The following BBS9 variants were observed in gnomAD, a reference collection of about 807,000 sequenced individuals.
BBS9 encodes the protein protein PTHB1.
BBS9 carries 89 observed loss-of-function variants against 117.7 expected under a neutral mutation model. The ratio of observed to expected loss-of-function variants is 0.76; its 90% confidence interval spans 0.64 to 0.90. The LOEUF is 0.90. Among genes scored for constraint, BBS9 ranks in the 40% least tolerant of loss-of-function variants. The pLI is 0.00. For synonymous variants in BBS9, 379 were observed against 370.9 expected (o/e 1.02, Z -0.25); for missense variants, 982 against 1,042.2 (o/e 0.94, Z 0.80).
At chr7:33,282,866 A>T (rs1802170620) in intron 9 of BBS9, among the ~76,000 whole-genome samples, 1 of 152,176 alleles carries the variant, frequency 6.6e-6, no homozygotes, top group African/African-American at 2.4e-5. Flanking sequence ...CTGCATTTCA[A>T]ATTTTGGTAG....
intron 5 of BBS9, among the ~76,000 whole-genome samples, chr7:33,211,995 G>A (rs150524785): frequency 2.0e-5 from 3 of 152,190 alleles, no homozygotes; most frequent in South Asian, 2.1e-4. Flanking sequence ...CTGCTTTTAC[G>A]ATTTTTTCTG....
At chr7:33,595,960 G>A (rs1862680971) in intron 21 of BBS9, among the ~76,000 whole-genome samples, 1 of 151,964 alleles carries the variant, frequency 6.6e-6, no homozygotes, top group Non-Finnish European at 1.5e-5. Flanking sequence ...TTATAAGTGG[G>A]AGTGGAACAG....
At position 33,383,635 on chromosome 7, in the gene BBS9, T is replaced by C. The variant is rs1418385635; in HGVS notation, c.1790-31T>C. ...GCTTTATCTAGTAATTCTGTGTTAC[T>C]AAGCATTTTTCCTTAATTTTTTTCT... On this transcript the variant is annotated intron_variant, in intron 17 of 22. Transcript: ENST00000242067. 3 of 1,570,576 alleles carry C rather than the reference T, an allele frequency of 1.9e-6. No individual in the cohort carries two copies. In the East Asian group the frequency reaches 6.8e-5, roughly 35 times the overall value.
At chr7:33,250,387 A>C (rs992875318) in intron 5 of BBS9, among the ~76,000 whole-genome samples, 1 of 152,166 alleles carries the variant, frequency 6.6e-6, no homozygotes, top group Non-Finnish European at 1.5e-5. Flanking sequence ...TATAATACTG[A>C]GCATGTGGTA....
chr7:33,218,135 G>A (rs1789431636), intron 5 of BBS9, among the ~76,000 whole-genome samples: 1 of 152,088 alleles, frequency 6.6e-6, no homozygotes, highest in Admixed American at 6.6e-5. Flanking sequence ...GATTAATAAA[G>A]AAAAGATTTG....
At chr7:33,238,368 G>C (rs1793889968) in intron 5 of BBS9, among the ~76,000 whole-genome samples, 1 of 151,934 alleles carries the variant, frequency 6.6e-6, no homozygotes, top group Admixed American at 6.6e-5. Flanking sequence ...TTAGCTCACT[G>C]CAACCTCCAC....
At position 33,533,934 on chromosome 7, in the gene BBS9, A is replaced by G. The variant is rs17727583; in HGVS notation, c.2299-20A>G. On this transcript the variant is annotated intron_variant, in intron 20 of 22. Transcript: ENST00000242067. Reference sequence around the variant, plus strand: ...TTATTGTCATCTTTGTATTAATTCAAAATTGGCTTTTGTATCCAGGGCTGG... The same window carrying G: ...TTATTGTCATCTTTGTATTAATTCAGAATTGGCTTTTGTATCCAGGGCTGG... The G allele has an allele frequency of 2.5e-6, 4 of 1,613,486 alleles. No individual in the cohort carries two copies. The highest frequency in any genetic ancestry group is 3.4e-6 in the Non-Finnish European group (4 of 1,179,476).
At chr7:33,523,018 T>A (rs1189379926) in intron 20 of BBS9, among the ~76,000 whole-genome samples, 1 of 149,886 alleles carries the variant, frequency 6.7e-6, no homozygotes, top group Non-Finnish European at 1.5e-5. Flanking sequence ...CTTTCCCCAT[T>A]GCTTGTTTTT....
intron 19 of BBS9, among the ~76,000 whole-genome samples, chr7:33,501,413 C>A (rs1305741004): frequency 6.6e-6 from 1 of 152,174 alleles, no homozygotes; most frequent in African/African-American, 2.4e-5. Context: ...TATCCCATTT[C>A]TTTCCAGTTT....
At chr7:33,480,780 C>T (rs192530738) in intron 19 of BBS9, among the ~76,000 whole-genome samples, 377 of 13,950 alleles carry the variant, frequency 0.027, 1 homozygote, top group African/African-American at 0.099. Flanking sequence ...CAAATCTCAT[C>T]TTGAATTGTA....
At chr7:33,535,014 G>A (rs1024254996) in intron 21 of BBS9, among the ~76,000 whole-genome samples, 2 of 151,978 alleles carry the variant, frequency 1.3e-5, no homozygotes, top group African/African-American at 4.8e-5. Context: ...TCCCTCTCTG[G>A]TAGTCTTGCT....
chr7:33,191,020 C>T (rs1261095783), intron 5 of BBS9, among the ~76,000 whole-genome samples: 1 of 152,126 alleles, frequency 6.6e-6, no homozygotes, highest in Non-Finnish European at 1.5e-5. Context: ...AAGAGGAGGT[C>T]CCTTACAGCA....
At chr7:33,414,298 T>C (rs995095763) in intron 19 of BBS9, among the ~76,000 whole-genome samples, 7 of 152,214 alleles carry the variant, frequency 4.6e-5, no homozygotes, top group Non-Finnish European at 8.8e-5. Flanking sequence ...ATTAAATGAG[T>C]TTAAATTCTA....
chr7:33,227,371 C>T (rs1432893139), intron 5 of BBS9, among the ~76,000 whole-genome samples: 1 of 152,090 alleles, frequency 6.6e-6, no homozygotes, highest in Admixed American at 6.6e-5. Context: ...TAGTCTCAAA[C>T]TCTTGACCTC....
chr7:33,520,069 T>A (rs1848383618), intron 20 of BBS9, among the ~76,000 whole-genome samples: 1 of 151,550 alleles, frequency 6.6e-6, no homozygotes, highest in Admixed American at 6.6e-5. Context: ...AGTGCAGTGA[T>A]GCGATCTCAG....
chr7:33,405,222 T>C (rs1829705247), intron 19 of BBS9, among the ~76,000 whole-genome samples: 1 of 152,250 alleles, frequency 6.6e-6, no homozygotes, highest in African/African-American at 2.4e-5. Flanking sequence ...ATAAGCTTTT[T>C]GATGTGCTGC....
chr7:33,299,893 C>T (rs1044630333), intron 9 of BBS9, among the ~76,000 whole-genome samples: 1 of 152,188 alleles, frequency 6.6e-6, no homozygotes, highest in South Asian at 2.1e-4. Flanking sequence ...GGTTCTTATT[C>T]CCTATTCTGT....
chr7:33,424,769 T>TAATGGA (rs1170266286), intron 19 of BBS9, among the ~76,000 whole-genome samples: 2 of 152,112 alleles, frequency 1.3e-5, no homozygotes, highest in African/African-American at 4.8e-5. Flanking sequence ...AGATTTTTTT[T>TAATGGA]AATGGAAATG....
intron 5 of BBS9, among the ~76,000 whole-genome samples, chr7:33,220,421 A>G (rs1278371477): frequency 6.6e-6 from 1 of 152,182 alleles, no homozygotes; most frequent in Non-Finnish European, 1.5e-5. Flanking sequence ...TGTTGAGGTT[A>G]TTTCCAGTCG....
Sources: allele counts gnomAD v4.1 joint callset (sites outside exome capture counted in the v4.1 genomes callset), GRCh38; gene constraint gnomAD v4.1.1; transcripts MANE v1.5; gene names NCBI Gene and HGNC (gene_info 2026-07-23, HGNC 2026-07-21).